Variants in SDK1 observed in about 807,000 individuals in gnomAD.
The protein encoded by SDK1 is sidekick cell adhesion molecule 1, also known as protein sidekick-1.
Under a neutral mutation model 245.5 loss-of-function variants are expected in SDK1, and 157 were observed. The observed-to-expected ratio is 0.64, with a 90% CI of 0.56 to 0.73. The LOEUF is 0.73. Ranked by LOEUF, SDK1 falls within the 30% of genes least tolerant of loss-of-function variation. SDK1 has a pLI of 0.00. For missense variants in SDK1, 3,583 were observed against 3,002.3 expected (o/e 1.19, Z -4.52); for synonymous variants, 1,647 against 1,278.5 (o/e 1.29, Z -6.15).
At chr7:3,895,838 C>T (rs1010685904) in intron 5 of SDK1, among the ~76,000 whole-genome samples, 1 of 152,168 alleles carries the variant, frequency 6.6e-6, no homozygotes, top group Admixed American at 6.5e-5. Context: ...TCTCCTTTCA[C>T]CCATGGATTA....
chr7:3,510,866 T>A (rs1347342377), intron 1 of SDK1, among the ~76,000 whole-genome samples: 1 of 152,220 alleles, frequency 6.6e-6, no homozygotes, highest in Non-Finnish European at 1.5e-5. Context: ...CAGAGGTGTT[T>A]CTGTCTGCTG....
At chr7:3,649,414 T>C (rs1782940605) in intron 4 of SDK1, among the ~76,000 whole-genome samples, 1 of 152,024 alleles carries the variant, frequency 6.6e-6, no homozygotes, top group African/African-American at 2.4e-5. Context: ...CTCCTGCTGT[T>C]GGTATGCATT....
At chr7:4,211,719 C>T (rs1259416149) in intron 38 of SDK1, among the ~76,000 whole-genome samples, 1 of 152,222 alleles carries the variant, frequency 6.6e-6, no homozygotes, top group Non-Finnish European at 1.5e-5. Context: ...GCACCATTCT[C>T]CTGCCTCAGC....
chr7:4,031,061 A>C (rs1787778738), intron 17 of SDK1, among the ~76,000 whole-genome samples: 1 of 152,212 alleles, frequency 6.6e-6, no homozygotes, highest in African/African-American at 2.4e-5. Context: ...ACATGTATAC[A>C]TACACATCTG....
In SDK1 at chr7:4,043,424, G is replaced by A. The variant is rs531652451; in HGVS notation, c.2603-5924G>A. Reference sequence around the variant, plus strand: ...GTGAGTGTCACAGCCAGGGGCTCAGGTAGAGTGAGTGTCACAGCCAGGGCC... The same window carrying A: ...GTGAGTGTCACAGCCAGGGGCTCAGATAGAGTGAGTGTCACAGCCAGGGCC... On this transcript the variant is annotated intron_variant, in intron 17 of 44. Transcript: ENST00000404826. Among the ~76,000 whole-genome samples the A allele has an allele frequency of 2.6e-5, 4 of 152,080 alleles. No individual in the cohort carries two copies. The East Asian group carries it at 7.8e-4, about 30-fold the overall frequency.
chr7:3,798,849 G>A (rs1382390693), intron 4 of SDK1, among the ~76,000 whole-genome samples: 1 of 152,176 alleles, frequency 6.6e-6, no homozygotes, highest in African/African-American at 2.4e-5. Flanking sequence ...ATTAAATTTT[G>A]CGTAGATACT....
chr7:4,170,966 T>C (rs1167674052), intron 32 of SDK1, among the ~76,000 whole-genome samples: 1 of 152,182 alleles, frequency 6.6e-6, no homozygotes, highest in Non-Finnish European at 1.5e-5. Context: ...CACTGTAGCC[T>C]CCCCTACCTG....
intron 22 of SDK1, among the ~76,000 whole-genome samples, chr7:4,098,824 CTTTTTTTTTTTT>C (rs58678214): frequency 8.4e-5 from 7 of 82,864 alleles, no homozygotes; most frequent in African/African-American, 2.1e-4. Flanking sequence ...CCACAATGCC[CTTTTTTTTTTTT>C]TTTTTTTTTT....
At chr7:4,068,922 A>G (rs922585624) in intron 20 of SDK1, among the ~76,000 whole-genome samples, 5 of 151,810 alleles carry the variant, frequency 3.3e-5, no homozygotes, top group African/African-American at 1.2e-4. Context: ...GGGTTTTGCC[A>G]TGTTGGCCAG....
At chr7:4,105,021 C>T (rs184141642) in intron 22 of SDK1, among the ~76,000 whole-genome samples, 58 of 152,248 alleles carry the variant, frequency 3.8e-4, no homozygotes, top group Non-Finnish European at 6.3e-4. Flanking sequence ...CGCACTCTGT[C>T]ACCCTGGCTG....
chr7:3,499,907 A>G (rs938733464), intron 1 of SDK1, among the ~76,000 whole-genome samples: 1 of 152,206 alleles, frequency 6.6e-6, no homozygotes, highest in Non-Finnish European at 1.5e-5. Flanking sequence ...CTATGAGTAG[A>G]TCAAAGTGGG....
chr7:3,808,768 G>A (rs556172137), intron 4 of SDK1, among the ~76,000 whole-genome samples: 3 of 152,252 alleles, frequency 2.0e-5, no homozygotes, highest in African/African-American at 2.4e-5. Flanking sequence ...TGATGGCACT[G>A]GCGGGCTGTC....
At chr7:3,733,830 T>C (rs1779246056) in intron 4 of SDK1, among the ~76,000 whole-genome samples, 1 of 152,198 alleles carries the variant, frequency 6.6e-6, no homozygotes, top group Non-Finnish European at 1.5e-5. Flanking sequence ...TTATGACTAT[T>C]GTGAGAACAA....
chr7:3,995,552 A>G (rs1784639068), intron 14 of SDK1, among the ~76,000 whole-genome samples: 1 of 152,238 alleles, frequency 6.6e-6, no homozygotes, highest in African/African-American at 2.4e-5. Context: ...GGGCACCAGC[A>G]AAGGCAAGAC....
In SDK1 at chr7:3,813,237, A is replaced by G. The variant is rs1420260328; in HGVS notation, c.714-8213A>G. Among the ~76,000 whole-genome samples the G allele has an allele frequency of 5.8e-3, 822 of 142,692 alleles. 6 individuals are homozygous for G. Among genetic ancestry groups the G allele is most frequent in the African/African-American group, 0.02 (755 of 38,546 alleles). The allele number at this position is 142,692 out of a possible 152,430, so 93.6% of individuals were successfully genotyped here. A position where few individuals can be genotyped will look rare whatever the true frequency, so the allele number is the denominator to read the frequency against. On this transcript the variant is annotated intron_variant, in intron 4 of 44. Coordinates refer to ENST00000404826, the MANE Select transcript of SDK1 (RefSeq NM_152744.4). ...TAACTCGTCATCTAGCATTAGGTAT[A>G]TCTCCCAATGCTATCCCTCCCCCCT...
At chr7:3,888,183 A>G (rs1781380587) in intron 5 of SDK1, among the ~76,000 whole-genome samples, 1 of 152,214 alleles carries the variant, frequency 6.6e-6, no homozygotes, top group African/African-American at 2.4e-5. Context: ...CACAGACTCC[A>G]TTTGATGTAG....
chr7:3,666,545 G>T (rs564907370), intron 4 of SDK1, among the ~76,000 whole-genome samples: 158 of 152,260 alleles, frequency 1.0e-3, no homozygotes, highest in Non-Finnish European at 1.9e-3. Context: ...TCTCCCTGTT[G>T]CAGGTCTTGT....
intron 1 of SDK1, among the ~76,000 whole-genome samples, chr7:3,552,282 C>A (rs1779443667): frequency 6.6e-6 from 1 of 152,158 alleles, no homozygotes; most frequent in African/African-American, 2.4e-5. Context: ...ACCTTGTGAT[C>A]CACCCGCCTT....
intron 4 of SDK1, among the ~76,000 whole-genome samples, chr7:3,754,954 C>T (rs1362362469): frequency 6.6e-6 from 1 of 152,200 alleles, no homozygotes; most frequent in Non-Finnish European, 1.5e-5. Context: ...TTACGTCTCA[C>T]TTGGGCGATG....
Sources: gnomAD v4.1 joint callset for allele counts (sites outside exome capture counted in the v4.1 genomes callset) on GRCh38, gnomAD v4.1.1 for gene constraint, MANE v1.5 for transcripts, NCBI Gene and HGNC (gene_info 2026-07-23, HGNC 2026-07-21) for gene names.